Variants in LTA observed in about 807,000 individuals in gnomAD.
LTA encodes the protein lymphotoxin alpha.
Under a neutral mutation model 15.1 loss-of-function variants are expected in LTA, and 6 were observed. The observed-to-expected ratio is 0.40, with a 90% CI of 0.22 to 0.78. The LOEUF is 0.78. Ranked by LOEUF, LTA falls within the 30% of genes least tolerant of loss-of-function variation. The probability of loss-of-function intolerance (pLI) is 0.38; values close to 1 mark genes in which losing one functional copy is unlikely to be tolerated. For synonymous variants in LTA, 87 were observed against 107.3 expected (o/e 0.81, Z 1.17); for missense variants, 173 against 249.5 (o/e 0.69, Z 2.06).
At chr6:31,564,519 G>A in the LTA span, among the ~76,000 whole-genome samples, 3 of 151,426 alleles carry the variant, frequency 2.0e-5, no homozygotes, top group Non-Finnish European at 4.4e-5. Flanking sequence ...TCCTGACCTC[G>A]TGATCCACCC....
At chr6:31,561,047 G>C in the LTA span, among the ~76,000 whole-genome samples, 1 of 152,210 alleles carries the variant, frequency 6.6e-6, no homozygotes, top group Admixed American at 6.5e-5. Context: ...GGGTTCACTA[G>C]GTGGAGGTGG....
the LTA span, among the ~76,000 whole-genome samples, chr6:31,562,010 G>A: frequency 2.0e-5 from 3 of 151,472 alleles, no homozygotes; most frequent in African/African-American, 7.3e-5. Context: ...GAGTGGACAG[G>A]ATCTTCAAGG....
chr6:31,562,857 C>T, the LTA span, among the ~76,000 whole-genome samples: 1 of 53,856 alleles, frequency 1.9e-5, no homozygotes, highest in Non-Finnish European at 3.2e-5. Flanking sequence ...GAGACTCAGT[C>T]TCAAAAAAAA....
chr6:31,573,217 A>G, intron 3 of LTA, 64 bp from the exon 4 acceptor site: 1 of 1,505,886 alleles, frequency 6.6e-7, no homozygotes, highest in African/African-American at 1.4e-5. Context: ...CCACTTCCTC[A>G]GGGATTGAGA....
chr6:31,567,457 G>T (rs567602694), upstream of LTA, among the ~76,000 whole-genome samples: 5 of 151,824 alleles, frequency 3.3e-5, no homozygotes, highest in Admixed American at 6.6e-5. Flanking sequence ...TAGATACTTG[G>T]GAAGCTGAGG....
At chr6:31,567,574 AAAT>A (rs1198818067), upstream of LTA, among the ~76,000 whole-genome samples, 1 of 120,794 alleles carries the variant, frequency 8.3e-6, no homozygotes, top group East Asian at 2.5e-4. Flanking sequence ...AAAGAAAAAA[AAAT>A]CCAATCACCT....
chr6:31,561,025 G>A, the LTA span, among the ~76,000 whole-genome samples: 1 of 152,166 alleles, frequency 6.6e-6, no homozygotes, highest in Non-Finnish European at 1.5e-5. Flanking sequence ...ATTTGAACTT[G>A]CTCTAATGAA....
At chr6:31,572,704 GTCTC>G (rs5875327) in intron 1 of LTA, 26 bp from the exon 2 acceptor site, 1,471 of 1,420,374 alleles carry the variant, frequency 1.0e-3, no homozygotes, top group Non-Finnish European at 1.3e-3. Context: ...CCCGCTCACT[GTCTC>G]TCTCTCTCTC....
Position 31,573,979 on chromosome 6 carries a change from C to A in LTA, c.*286C>A. The A allele has an allele frequency of 1.6e-6, 1 of 614,540 alleles. No homozygotes were observed. Among genetic ancestry groups the A allele is most frequent in the Non-Finnish European group, 3.0e-6 (1 of 338,116 alleles). 38.1% of individuals were successfully genotyped at this position (614,540 alleles called of 1,614,324 possible). ...GGTCTGTCCCACCAGCTAGGTGGGG[C>A]CTAGATCCACACACAGAGGAAGAGC... On this transcript the variant is annotated 3_prime_UTR_variant, in exon 4 of 4. Coordinates refer to ENST00000418386, the MANE Select transcript of LTA (RefSeq NM_000595.4).
the LTA span, among the ~76,000 whole-genome samples, chr6:31,566,736 A>G: frequency 6.6e-6 from 1 of 150,482 alleles, no homozygotes; most frequent in Non-Finnish European, 1.5e-5. Context: ...TGAGGTCAGG[A>G]GTTCGAGACC....
chr6:31,561,519 C>T, the LTA span, among the ~76,000 whole-genome samples: 7 of 151,882 alleles, frequency 4.6e-5, no homozygotes, highest in South Asian at 1.5e-3. Context: ...GGTGAAACCC[C>T]GTCTCTACTA....
chr6:31,572,708 C>A, intron 1 of LTA, 26 bp from the exon 2 acceptor site: 1 of 1,212,708 alleles, frequency 8.2e-7, no homozygotes, highest in Admixed American at 1.9e-5. Context: ...CTCACTGTCT[C>A]TCTCTCTCTC....
At position 31,573,969 on chromosome 6, in the gene LTA, C is replaced by A. The variant is rs1340973486; in HGVS notation, c.*276C>A. The A allele has an allele frequency of 1.6e-6, 1 of 632,360 alleles. No homozygotes were observed. Among genetic ancestry groups the A allele is most frequent in the Non-Finnish European group, 2.9e-6 (1 of 346,950 alleles). 39.2% of individuals were successfully genotyped at this position (632,360 alleles called of 1,614,324 possible). A position where few individuals can be genotyped will look rare whatever the true frequency, so the allele number is the denominator to read the frequency against. The stretch of plus-strand genomic sequence containing the variant: ...CAAAGCTGTTGGTCTGTCCCACCAG[C>A]TAGGTGGGGCCTAGATCCACACACA... On this transcript the variant is annotated 3_prime_UTR_variant, in exon 4 of 4. Coordinates refer to ENST00000418386, the MANE Select transcript of LTA (RefSeq NM_000595.4).
the LTA span, among the ~76,000 whole-genome samples, chr6:31,561,718 T>C: frequency 6.6e-6 from 1 of 151,984 alleles, no homozygotes; most frequent in Non-Finnish European, 1.5e-5. Context: ...ATTAAGCACC[T>C]ATTAGGAGCA....
At chr6:31,563,469 A>G in the LTA span, among the ~76,000 whole-genome samples, 2 of 152,326 alleles carry the variant, frequency 1.3e-5, no homozygotes, top group African/African-American at 4.8e-5. Flanking sequence ...AAGAATGAGT[A>G]AAAGTTGTGT....
chr6:31,567,631 C>A (rs919578079), upstream of LTA, among the ~76,000 whole-genome samples: 1 of 145,110 alleles, frequency 6.9e-6, no homozygotes, highest in South Asian at 2.2e-4. Flanking sequence ...TCTCCCTCCC[C>A]CTCTCTCCCC....
chr6:31,567,940 A>G (rs1770667149), upstream of LTA, among the ~76,000 whole-genome samples: 1 of 151,872 alleles, frequency 6.6e-6, no homozygotes, highest in Non-Finnish European at 1.5e-5. Context: ...TTTGCTCCCA[A>G]ACTTTTACCT....
At chr6:31,568,515 T>C (rs564599906), upstream of LTA, among the ~76,000 whole-genome samples, 1 of 152,286 alleles carries the variant, frequency 6.6e-6, no homozygotes, top group Admixed American at 6.5e-5. The surrounding 1 kb of genome is among the most constrained non-coding windows in gnomAD (Gnocchi z 4.1). Context: ...TGGGTTAGGG[T>C]TGATGTTGGT....
At chr6:31,561,841 T>C in the LTA span, among the ~76,000 whole-genome samples, 1 of 152,080 alleles carries the variant, frequency 6.6e-6, no homozygotes, top group Non-Finnish European at 1.5e-5. Context: ...AATGTATAGG[T>C]ATGCCTGCTT....
Sources: allele counts gnomAD v4.1 joint callset (sites outside exome capture counted in the v4.1 genomes callset), GRCh38; gene constraint gnomAD v4.1.1; non-coding constraint Gnocchi (gnomAD v3.1); transcripts MANE v1.5; gene names NCBI Gene and HGNC (gene_info 2026-07-23, HGNC 2026-07-21).